SDK1: variants seen among roughly 807,000 people sequenced by gnomAD.
The protein encoded by SDK1 is sidekick cell adhesion molecule 1.
In SDK1, 157 loss-of-function variants were observed where a neutral mutation model predicts 245.5. The observed-to-expected ratio is 0.64, with a 90% CI of 0.56 to 0.73. SDK1 has a LOEUF of 0.73. Among genes scored for constraint, SDK1 ranks in the 30% least tolerant of loss-of-function variants. The pLI, the probability that SDK1 is intolerant of heterozygous loss-of-function variation, is 0.00. For missense variants in SDK1, 3,583 were observed against 3,002.3 expected, an observed-to-expected ratio of 1.19 and a Z score of -4.52; for synonymous variants, 1,647 against 1,278.5, an observed-to-expected ratio of 1.29 and a Z score of -6.15.
At chr7:3,734,881 C>CAGCA (rs1443664549) in intron 4 of SDK1, among the ~76,000 whole-genome samples, 17 of 152,278 alleles carry the variant, frequency 1.1e-4, no homozygotes, top group African/African-American at 3.6e-4. Context: ...TTTCCAAGTT[C>CAGCA]AGCACGTAGC....
intron 44 of SDK1, among the ~76,000 whole-genome samples, chr7:4,257,083 G>A (rs79332051): frequency 1.4e-4 from 22 of 152,154 alleles, no homozygotes; most frequent in African/African-American, 1.9e-4. Flanking sequence ...GATATCTGCC[G>A]TTCAAATCAC....
chr7:3,520,011 C>T (rs1208276825), intron 1 of SDK1, among the ~76,000 whole-genome samples: 1 of 152,112 alleles, frequency 6.6e-6, no homozygotes, highest in East Asian at 1.9e-4. Flanking sequence ...AGTGCTTTTT[C>T]ATTGAGCACA....
chr7:3,487,841 T>G (rs888190377), intron 1 of SDK1, among the ~76,000 whole-genome samples: 3 of 151,938 alleles, frequency 2.0e-5, no homozygotes, highest in Non-Finnish European at 4.4e-5. Flanking sequence ...ACCTTAGCAT[T>G]TATTTACAAG....
chr7:4,154,283 T>G (rs1049673916), intron 30 of SDK1, among the ~76,000 whole-genome samples: 1 of 152,218 alleles, frequency 6.6e-6, no homozygotes. Flanking sequence ...ATATCGGTTA[T>G]TGATTTGGGG....
At chr7:3,389,720 G>C (rs73296345) in intron 1 of SDK1, among the ~76,000 whole-genome samples, 8,055 of 150,662 alleles carry the variant, frequency 0.053, 590 homozygotes, top group African/African-American at 0.16. Context: ...AGCTGTGATC[G>C]TGCCACTGCA....
chr7:4,230,160 A>T (rs1785661575), intron 40 of SDK1, among the ~76,000 whole-genome samples: 1 of 64,916 alleles, frequency 1.5e-5, no homozygotes, highest in African/African-American at 6.3e-5. Context: ...AATGGAAGGA[A>T]GGAAGGAAGG....
intron 5 of SDK1, among the ~76,000 whole-genome samples, chr7:3,870,271 A>G (rs1780924290): frequency 6.6e-6 from 1 of 152,176 alleles, no homozygotes; most frequent in African/African-American, 2.4e-5. Context: ...TCTAATATAT[A>G]AAGTGATTGC....
intron 4 of SDK1, among the ~76,000 whole-genome samples, chr7:3,770,941 C>A (rs561037566): frequency 1.2e-4 from 19 of 152,286 alleles, no homozygotes; most frequent in African/African-American, 4.1e-4. Flanking sequence ...CCTGGGGTCC[C>A]TAGCCAGTTT....
At chr7:3,870,199 G>A (rs1227480095) in intron 5 of SDK1, among the ~76,000 whole-genome samples, 1 of 152,016 alleles carries the variant, frequency 6.6e-6, no homozygotes, top group Non-Finnish European at 1.5e-5. Flanking sequence ...TATAAACTAG[G>A]GGCCATAGTT....
intron 6 of SDK1, 86 bp downstream of exon 6, chr7:3,951,120 A>T: frequency 9.9e-7 from 1 of 1,007,538 alleles, no homozygotes; most frequent in Non-Finnish European, 1.6e-6. Context: ...CTGGAGCATG[A>T]GGTTCAGCCT....
At position 3,732,279 on chromosome 7, in the gene SDK1, C is replaced by T. The variant is rs189362896; in HGVS notation, c.714-89171C>T. Among the ~76,000 whole-genome samples, 24 of 152,182 alleles carry T rather than the reference C, an allele frequency of 1.6e-4. No individual in the cohort carries two copies. In the East Asian group the frequency reaches 3.5e-3, roughly 22 times the overall value. On this transcript the variant is annotated intron_variant, in intron 4 of 44. Coordinates refer to ENST00000404826, the MANE Select transcript of SDK1 (RefSeq NM_152744.4). Reference sequence around the variant, plus strand: ...TGATTTTCAAATTGTTGTGATGAAACGAATGCTGGGGTATTTATAGGCATG... The same window carrying T: ...TGATTTTCAAATTGTTGTGATGAAATGAATGCTGGGGTATTTATAGGCATG...
intron 38 of SDK1, among the ~76,000 whole-genome samples, chr7:4,212,163 G>A (rs1430348206): frequency 2.0e-5 from 3 of 152,200 alleles, no homozygotes; most frequent in Admixed American, 6.5e-5. Flanking sequence ...GAATATCGGC[G>A]CTCCATTTAA....
chr7:4,234,865 G>C (rs574278497), intron 41 of SDK1, among the ~76,000 whole-genome samples: 1 of 152,338 alleles, frequency 6.6e-6, no homozygotes, highest in Non-Finnish European at 1.5e-5. Flanking sequence ...GGAGGCCTCG[G>C]CGTTGGGGCA....
At chr7:4,207,783 G>T (rs890412360) in intron 36 of SDK1, among the ~76,000 whole-genome samples, 1 of 152,136 alleles carries the variant, frequency 6.6e-6, no homozygotes, top group African/African-American at 2.4e-5. Context: ...CAGCTGAAGG[G>T]CAGCTTCCCT....
At chr7:3,932,437 C>A (rs904691518) in intron 5 of SDK1, among the ~76,000 whole-genome samples, 1 of 152,160 alleles carries the variant, frequency 6.6e-6, no homozygotes, top group Non-Finnish European at 1.5e-5. Flanking sequence ...GAGTAGAGAA[C>A]CAGTTGGTTT....
chr7:3,935,074 C>T (rs189434165), intron 5 of SDK1, among the ~76,000 whole-genome samples: 158 of 152,284 alleles, frequency 1.0e-3, no homozygotes, highest in African/African-American at 3.5e-3. Context: ...CTTTGTAAGC[C>T]GGTCATATCT....
At chr7:3,431,984 A>G (rs1779860219) in intron 1 of SDK1, among the ~76,000 whole-genome samples, 1 of 152,008 alleles carries the variant, frequency 6.6e-6, no homozygotes, top group South Asian at 2.1e-4. Flanking sequence ...TAAATTATAC[A>G]TCCCAGTTTA....
intron 1 of SDK1, among the ~76,000 whole-genome samples, chr7:3,458,146 G>A (rs1474884238): frequency 6.6e-6 from 1 of 151,134 alleles, no homozygotes; most frequent in Admixed American, 6.6e-5. Flanking sequence ...ATTTTGCATT[G>A]ATATTCGTTG....
intron 4 of SDK1, among the ~76,000 whole-genome samples, chr7:3,804,080 A>G (rs776455311): frequency 6.6e-6 from 1 of 152,164 alleles, no homozygotes; most frequent in Admixed American, 6.5e-5. Context: ...TCCTCTTAAT[A>G]GAGTCTTTCA....
Sources: gnomAD v4.1 joint callset for allele counts (sites outside exome capture counted in the v4.1 genomes callset) on GRCh38, gnomAD v4.1.1 for gene constraint, MANE v1.5 for transcripts, NCBI Gene and HGNC (gene_info 2026-07-23, HGNC 2026-07-21) for gene names.